The following USP32 variants were observed in gnomAD, a reference collection of about 807,000 sequenced individuals.
USP32 encodes the protein ubiquitin carboxyl-terminal hydrolase 32.
A neutral mutation model predicts 204.8 loss-of-function variants in USP32; 59 were observed. The ratio of observed to expected loss-of-function variants is 0.29; its 90% CI spans 0.23 to 0.36. The LOEUF is 0.36. USP32 is among the 10% of genes least tolerant of loss of function. The probability of loss-of-function intolerance (pLI) is 1.00; values close to 1 mark genes in which losing one functional copy is unlikely to be tolerated. For missense variants in USP32, 1,160 were observed against 1,946.4 expected, an observed-to-expected ratio of 0.60 and a Z score of 7.60; for synonymous variants, 517 against 678.4, an observed-to-expected ratio of 0.76 and a Z score of 3.70.
intron 14 of USP32, 95 bp from the exon 15 acceptor site, chr17:60,222,644 C>A: frequency 9.1e-7 from 1 of 1,096,714 alleles, no homozygotes; most frequent in African/African-American, 1.6e-5. Flanking sequence ...ACTCATATAT[C>A]ACCACCCAGT....
intron 1 of USP32, among the ~76,000 whole-genome samples, chr17:60,366,227 C>T (rs541771290): frequency 2.0e-5 from 3 of 152,162 alleles, no homozygotes; most frequent in East Asian, 1.9e-4. Flanking sequence ...GGCGCGATCT[C>T]GGCTCACTGA....
intron 1 of USP32, among the ~76,000 whole-genome samples, chr17:60,360,041 T>G (rs1015007563): frequency 1.3e-5 from 2 of 152,014 alleles, no homozygotes; most frequent in African/African-American, 4.8e-5. Context: ...CTAATTTTTT[T>G]GTATTTTTAG....
intron 11 of USP32, chr17:60,249,015 C>T (rs2086104087): frequency 6.6e-6 from 1 of 152,156 alleles, no homozygotes; most frequent in African/African-American, 2.4e-5. Context: ...TCTTCCGGTA[C>T]AGTATCTTGC....
chr17:60,223,683 T>C (rs898447550), intron 13 of USP32, 97 bp from the exon 14 acceptor site: 1 of 1,031,142 alleles, frequency 9.7e-7, no homozygotes, highest in African/African-American at 1.6e-5. Context: ...TGTATTACTC[T>C]GTTGACATGT....
intron 1 of USP32, among the ~76,000 whole-genome samples, chr17:60,405,663 A>G (rs2089969885): frequency 6.6e-6 from 1 of 152,106 alleles, no homozygotes; most frequent in African/African-American, 2.4e-5. Flanking sequence ...TCAAGAGGCT[A>G]AGGTGGGAGG....
intron 12 of USP32, among the ~76,000 whole-genome samples, chr17:60,232,321 C>T (rs1280418285): frequency 2.0e-5 from 3 of 150,776 alleles, no homozygotes; most frequent in South Asian, 2.1e-4. Flanking sequence ...TGCAGGCACA[C>T]GCCACCACGC....
intron 4 of USP32, among the ~76,000 whole-genome samples, chr17:60,289,856 C>T (rs992502470): frequency 3.9e-5 from 6 of 152,040 alleles, no homozygotes; most frequent in Middle Eastern, 3.2e-3. Flanking sequence ...CTAAAGAATA[C>T]GAATAATTAG....
intron 30 of USP32, among the ~76,000 whole-genome samples, chr17:60,183,844 C>A (rs1054689159): frequency 6.6e-6 from 1 of 152,208 alleles, no homozygotes; most frequent in Non-Finnish European, 1.5e-5. Flanking sequence ...TCACATCACA[C>A]TGAATTGCAG....
rs1479506955 is a variant in USP32, at chr17:60,223,459, T to C, written c.1560A>G (p.Lys520=). The C allele has an allele frequency of 6.2e-7, 1 of 1,613,322 alleles. No homozygotes were observed. Among genetic ancestry groups the C allele is most frequent in the Non-Finnish European group, 8.5e-7 (1 of 1,179,848 alleles). The change falls in exon 14 of 34, where the codon AAA becomes AAG. Residue 520 remains lysine, a synonymous_variant. Transcript: ENST00000300896. ...GNILLHLNPQ[K]PGAIDNQPLV... is the part of the protein sequence containing the mutation. Reference sequence around the variant, plus strand: ...ATGGCTGATTATCAATAGCCCCTGGTTTCTGAGGGTTAAGGTGCAACAAAA... The same window carrying C: ...ATGGCTGATTATCAATAGCCCCTGGCTTCTGAGGGTTAAGGTGCAACAAAA...
intron 12 of USP32, among the ~76,000 whole-genome samples, chr17:60,229,056 AT>A (rs568222161): frequency 4.0e-5 from 6 of 151,198 alleles, no homozygotes; most frequent in African/African-American, 1.2e-4. Context: ...ATGCTTTTTG[AT>A]TTTTTTAGTC....
intron 10 of USP32, among the ~76,000 whole-genome samples, chr17:60,252,989 A>C (rs1233187523): frequency 6.6e-6 from 1 of 152,238 alleles, no homozygotes; most frequent in Non-Finnish European, 1.5e-5. Flanking sequence ...ACATACAGTA[A>C]AATGTAATAA....
chr17:60,367,028 C>T (rs559211314), intron 1 of USP32, among the ~76,000 whole-genome samples: 3 of 152,182 alleles, frequency 2.0e-5, no homozygotes, highest in African/African-American at 4.8e-5. Context: ...GGGGTTTCAC[C>T]GTGTTAGCCA....
chr17:60,289,776 G>GA (rs879378617), intron 4 of USP32, among the ~76,000 whole-genome samples: 2 of 151,596 alleles, frequency 1.3e-5, no homozygotes, highest in Non-Finnish European at 2.9e-5. Flanking sequence ...ATTTGATCAG[G>GA]AAAAAAAAGA....
At chr17:60,224,904 G>A (rs1258632040) in intron 13 of USP32, among the ~76,000 whole-genome samples, 1 of 152,222 alleles carries the variant, frequency 6.6e-6, no homozygotes, top group African/African-American at 2.4e-5. Flanking sequence ...CCTTGTAGGT[G>A]TGGAAACATG....
chr17:60,348,842 G>A (rs923361276), intron 1 of USP32, among the ~76,000 whole-genome samples: 4 of 152,118 alleles, frequency 2.6e-5, no homozygotes, highest in Non-Finnish European at 4.4e-5. Context: ...GGTAGGAAGG[G>A]GGGGTTCATG....
chr17:60,421,383 T>C, intron 1 of USP32: 1 of 985,504 alleles, frequency 1.0e-6, no homozygotes, highest in Non-Finnish European at 1.2e-6. Context: ...TTGAAGCCGC[T>C]ATGCCCCTCT....
At chr17:60,260,025 C>T (rs1312437641) in intron 9 of USP32, among the ~76,000 whole-genome samples, 1 of 152,132 alleles carries the variant, frequency 6.6e-6, no homozygotes, top group African/African-American at 2.4e-5. Context: ...CTAAAGACAA[C>T]ATTAAGTGAG....
intron 4 of USP32, among the ~76,000 whole-genome samples, chr17:60,289,478 T>C (rs1268577009): frequency 6.6e-6 from 1 of 152,198 alleles, no homozygotes; most frequent in Non-Finnish European, 1.5e-5. Flanking sequence ...GGTGTCCTCC[T>C]AGAGTAGACA....
At chr17:60,268,294 C>T (rs2086644910) in intron 7 of USP32, among the ~76,000 whole-genome samples, 1 of 151,762 alleles carries the variant, frequency 6.6e-6, no homozygotes, top group Non-Finnish European at 1.5e-5. Flanking sequence ...CAGAGCTGGG[C>T]ATGGAGGCTC....
Sources: allele counts gnomAD v4.1 joint callset (sites outside exome capture counted in the v4.1 genomes callset), GRCh38; gene constraint gnomAD v4.1.1; transcripts MANE v1.5; gene names NCBI Gene and HGNC (gene_info 2026-07-23, HGNC 2026-07-21).